The following CMSS1 variants were observed in gnomAD, a reference collection of about 807,000 sequenced individuals.
The protein encoded by CMSS1 is cms1 ribosomal small subunit homolog.
CMSS1 carries 33 observed loss-of-function variants against 43.5 expected under a neutral mutation model. The observed-to-expected ratio is 0.76, with a 90% CI of 0.57 to 1.01. The LOEUF (loss-of-function observed/expected upper bound fraction) is 1.01. Ranked by LOEUF, CMSS1 falls within the 50% of genes least tolerant of loss-of-function variation. The pLI, the probability that CMSS1 is intolerant of heterozygous loss-of-function variation, is 0.00. For missense variants in CMSS1, 313 were observed against 326.4 expected (o/e 0.96, Z 0.32); for synonymous variants, 115 against 117.2 (o/e 0.98, Z 0.12).
chr3:100,161,081 T>C (rs2067019304), intron 3 of CMSS1, among the ~76,000 whole-genome samples: 1 of 152,088 alleles, frequency 6.6e-6, no homozygotes, highest in Admixed American at 6.6e-5. Context: ...TTGGAGAAAG[T>C]ATGGTTAGCT....
chr3:99,983,995 T>C (rs1709252595), intron 1 of CMSS1, among the ~76,000 whole-genome samples: 1 of 151,530 alleles, frequency 6.6e-6, no homozygotes. Flanking sequence ...TTTGTTTTAT[T>C]GGTTAATCTC....
intron 1 of CMSS1, among the ~76,000 whole-genome samples, chr3:99,947,657 CATT>C (rs1708050947): frequency 6.6e-6 from 1 of 152,184 alleles, no homozygotes; most frequent in Non-Finnish European, 1.5e-5. Context: ...AACTCATAAT[CATT>C]ATTCTACCTC....
intron 1 of CMSS1, among the ~76,000 whole-genome samples, chr3:100,140,601 C>G (rs2066796498): frequency 6.6e-6 from 1 of 152,060 alleles, no homozygotes; most frequent in Non-Finnish European, 1.5e-5. Context: ...ATTCTCTTGC[C>G]TCAGCCTCCC....
At chr3:99,827,247 A>G (rs1407099788) in intron 1 of CMSS1, among the ~76,000 whole-genome samples, 2 of 152,202 alleles carry the variant, frequency 1.3e-5, no homozygotes, top group Non-Finnish European at 2.9e-5. Flanking sequence ...GCTATAGTGC[A>G]GTGGCATGAT....
At chr3:100,093,878 G>GT (rs1259865400) in intron 1 of CMSS1, among the ~76,000 whole-genome samples, 4 of 152,128 alleles carry the variant, frequency 2.6e-5, no homozygotes, top group African/African-American at 4.8e-5. Context: ...GGACATCTGA[G>GT]TTTTTTCCAT....
chr3:100,010,759 T>C (rs929052825), intron 1 of CMSS1, among the ~76,000 whole-genome samples: 1 of 148,190 alleles, frequency 6.7e-6, no homozygotes, highest in Non-Finnish European at 1.5e-5. Context: ...GGATTACAGG[T>C]GCGCGCCTCC....
At chr3:99,944,368 CA>C (rs548256252) in intron 1 of CMSS1, among the ~76,000 whole-genome samples, 2 of 152,038 alleles carry the variant, frequency 1.3e-5, no homozygotes, top group African/African-American at 4.8e-5. Context: ...ACAGCTGTTC[CA>C]AAAAAGATGA....
intron 1 of CMSS1, among the ~76,000 whole-genome samples, chr3:99,967,989 ACATGTATTACT>A (rs1265152671): frequency 6.6e-6 from 1 of 152,216 alleles, no homozygotes; most frequent in Admixed American, 6.5e-5. Context: ...GCAATCTCAA[ACATGTATTACT>A]CATGTACCAA....
intron 1 of CMSS1, among the ~76,000 whole-genome samples, chr3:99,947,940 A>G (rs1708058298): frequency 6.6e-6 from 1 of 152,250 alleles, no homozygotes; most frequent in Non-Finnish European, 1.5e-5. Context: ...ACCTCATCAT[A>G]TAGACTTGAA....
chr3:100,114,081 C>T (rs2066533660), intron 1 of CMSS1: 2 of 152,182 alleles, frequency 1.3e-5, no homozygotes, highest in African/African-American at 4.8e-5. Context: ...GTGTTGATCA[C>T]ACCTGGTAAT....
rs1380185918 is a variant in CMSS1, at chr3:100,066,622, C to T, written c.65-80351C>T. On this transcript the variant is annotated intron_variant, in intron 1 of 9. Transcript: ENST00000421999. ...TCTCGGCTCACTGCAAGCTCCGCCT[C>T]CCGGGTTCACGCCATTCTCCTGCCT... Among the ~76,000 whole-genome samples, 3 of 99,004 alleles carry T rather than the reference C, an allele frequency of 3.0e-5. 1 individual carries two copies. The highest frequency in any genetic ancestry group is 3.6e-4 in the South Asian group (1 of 2,770). 65.0% of individuals were successfully genotyped at this position (99,004 alleles called of 152,430 possible).
At chr3:99,964,731 T>G (rs1287198465) in intron 1 of CMSS1, among the ~76,000 whole-genome samples, 1 of 151,988 alleles carries the variant, frequency 6.6e-6, no homozygotes, top group African/African-American at 2.4e-5. Flanking sequence ...AAAGGAGGCT[T>G]TGGAGGGCAG....
At chr3:100,120,620 CGTT>C (rs745810645) in intron 1 of CMSS1, among the ~76,000 whole-genome samples, 16 of 152,058 alleles carry the variant, frequency 1.1e-4, no homozygotes, top group Admixed American at 5.9e-4. Context: ...AAAGACAAAA[CGTT>C]GTCCTGTCTC....
chr3:100,073,701 C>T (rs1464316438), intron 1 of CMSS1, among the ~76,000 whole-genome samples: 2 of 152,300 alleles, frequency 1.3e-5, no homozygotes, highest in Non-Finnish European at 2.9e-5. Flanking sequence ...ACTGGTCTGT[C>T]TTCTAACATG....
intron 1 of CMSS1, among the ~76,000 whole-genome samples, chr3:100,056,742 G>C (rs1247469700): frequency 6.6e-6 from 1 of 151,598 alleles, no homozygotes; most frequent in Non-Finnish European, 1.5e-5. Flanking sequence ...GCTCACGCCT[G>C]TAATCCCAGC....
rs145199423 is a variant in CMSS1, at chr3:100,147,912, T to C, written c.153+851T>C. Among the ~76,000 whole-genome samples, 77 of 152,358 alleles carry C rather than the reference T, an allele frequency of 5.1e-4. 1 individual carries two copies. In the East Asian group the frequency reaches 0.013, roughly 26 times the overall value. On this transcript the variant is annotated intron_variant, in intron 2 of 9. Coordinates refer to ENST00000421999, the MANE Select transcript of CMSS1 (RefSeq NM_032359.4). Reference sequence around the variant, plus strand: ...TTTATTGCCTTTTTAATCTTCCTACTGACTTTAGAAATGCCACTCACATCC... The same window carrying C: ...TTTATTGCCTTTTTAATCTTCCTACCGACTTTAGAAATGCCACTCACATCC...
At chr3:99,876,057 C>T (rs547610329) in intron 1 of CMSS1, 113 of 985,690 alleles carry the variant, frequency 1.1e-4, no homozygotes, top group Non-Finnish European at 1.3e-4. Context: ...AGCGAAGTTG[C>T]TCTCCCGGGC....
intron 1 of CMSS1, among the ~76,000 whole-genome samples, chr3:99,925,317 T>C (rs1275900185): frequency 2.0e-5 from 3 of 152,224 alleles, no homozygotes; most frequent in Non-Finnish European, 2.9e-5. Flanking sequence ...TTTTACAAAA[T>C]GATCAACCTG....
At chr3:99,995,224 T>C (rs1167526062) in intron 1 of CMSS1, among the ~76,000 whole-genome samples, 1 of 152,046 alleles carries the variant, frequency 6.6e-6, no homozygotes, top group Non-Finnish European at 1.5e-5. Context: ...ATGGAAGAAA[T>C]TGGCCAAAAC....
Sources: gnomAD v4.1 joint callset for allele counts (sites outside exome capture counted in the v4.1 genomes callset) on GRCh38, gnomAD v4.1.1 for gene constraint, MANE v1.5 for transcripts, NCBI Gene and HGNC (gene_info 2026-07-23, HGNC 2026-07-21) for gene names.